HPD: variants seen among roughly 807,000 people sequenced by gnomAD.
The protein encoded by HPD is 4-hydroxyphenylpyruvate dioxygenase.
In HPD, 35 loss-of-function variants were observed where a neutral mutation model predicts 56.9. The ratio of observed to expected loss-of-function variants is 0.62; its 90% CI spans 0.47 to 0.82. HPD has a LOEUF of 0.82. HPD is among the 40% of genes least tolerant of loss of function. The probability of loss-of-function intolerance (pLI) is 0.00; values close to 1 mark genes in which losing one functional copy is unlikely to be tolerated. For missense variants in HPD, 442 were observed against 506.8 expected (o/e 0.87, Z 1.23); for synonymous variants, 186 against 200.2 (o/e 0.93, Z 0.60).
At position 121,847,155 on chromosome 12, in the gene HPD, G is replaced by A. The variant is rs777759281; in HGVS notation, c.656C>T (p.Thr219Met). The A allele has an allele frequency of 1.1e-5, 18 of 1,613,942 alleles. No individual in the cohort carries two copies. Among genetic ancestry groups the A allele is most frequent in the East Asian group, 2.2e-5 (1 of 44,886 alleles). The change falls in exon 10 of 14, where the codon ACG becomes ATG. Residue 219 changes from threonine to methionine, a missense_variant. Transcript: ENST00000289004. ...FWSVDDTQVH[T>M]EYSSLRSIVV... ...AATGGATCGCAGAGAGCTATATTCC[G>A]TGTGCACCTGCGTGTCATCCACGGA...
In HPD at chr12:121,843,710, C is replaced by CT; in HGVS notation, c.953dup (p.Glu319GlyfsTer62). The CT allele has an allele frequency of 6.2e-7, 1 of 1,614,106 alleles. No homozygotes were observed. On this transcript the variant is annotated frameshift_variant and splice_region_variant, in exon 12 of 14. Coordinates refer to ENST00000289004, the MANE Select transcript of HPD (RefSeq NM_002150.3). LOFTEE classifies it high-confidence loss of function. ...GCTGCGGATCCTGCCTGGGCCTCACCTCCAGGGCATCAATGTTCTCCTTCA... is the reference window on the plus strand; with the variant it reads ...GCTGCGGATCCTGCCTGGGCCTCACCTTCCAGGGCATCAATGTTCTCCTTCA...
At chr12:121,852,616 TG>T (rs1323298776) in intron 7 of HPD, among the ~76,000 whole-genome samples, 1 of 135,048 alleles carries the variant, frequency 7.4e-6, no homozygotes. Flanking sequence ...ATGACCTCAT[TG>T]GATCCTTTTT....
chr12:121,843,938 C>T, intron 11 of HPD, 106 bp from the exon 12 acceptor site: 1 of 1,315,000 alleles, frequency 7.6e-7, no homozygotes. Context: ...TCCTAGCTCC[C>T]CTCAACTGCC....
At chr12:121,856,754 G>T in intron 4 of HPD, 129 bp from the exon 5 acceptor site, 1 of 836,070 alleles carries the variant, frequency 1.2e-6, no homozygotes, top group Non-Finnish European at 2.0e-6. Context: ...CTGGGTTCTA[G>T]CTCCTTCTCT....
intron 12 of HPD, among the ~76,000 whole-genome samples, chr12:121,842,741 C>CTT (rs34879391): frequency 2.1e-3 from 161 of 76,254 alleles, no homozygotes; most frequent in East Asian, 4.0e-3. Flanking sequence ...TAAAATGGAT[C>CTT]TTTTTTTTTT....
intron 2 of HPD, 46 bp downstream of exon 2, chr12:121,858,641 C>G (rs193074269): frequency 3.2e-4 from 503 of 1,593,098 alleles, no homozygotes; most frequent in Non-Finnish European, 4.1e-4. Context: ...ACTCCGACCC[C>G]CTTCTAGACT....
upstream of HPD, among the ~76,000 whole-genome samples, chr12:121,860,322 C>G (rs1878141837): frequency 6.6e-6 from 1 of 152,178 alleles, no homozygotes; most frequent in Non-Finnish European, 1.5e-5. Context: ...GTGGCCAACT[C>G]AAACCCCCAC....
chr12:121,848,601 T>C (rs1408685402), intron 9 of HPD, among the ~76,000 whole-genome samples: 1 of 151,978 alleles, frequency 6.6e-6, no homozygotes, highest in African/African-American at 2.4e-5. Context: ...CGTGAGCAAG[T>C]GCGCCCGGTC....
chr12:121,848,981 A>G lies in HPD; in HGVS notation c.596+18T>C, dbSNP rs745377102. The G allele has an allele frequency of 2.5e-6, 4 of 1,599,402 alleles. No homozygotes were observed. The highest frequency in any genetic ancestry group is 3.4e-6 in the Non-Finnish European group (4 of 1,167,090). ...GGACCCGTCATCTTCACGCAGAGGGAGAGGGCCAAGGTCTCACCATTCGGA... is the reference window on the plus strand; with the variant it reads ...GGACCCGTCATCTTCACGCAGAGGGGGAGGGCCAAGGTCTCACCATTCGGA... On this transcript the variant is annotated intron_variant, in intron 9 of 13. Transcript: ENST00000289004.
the HPD span, among the ~76,000 whole-genome samples, chr12:121,868,784 G>A: frequency 6.6e-6 from 1 of 152,044 alleles, no homozygotes; most frequent in Non-Finnish European, 1.5e-5. Context: ...GCCTCCCGAA[G>A]TGCTGGGATT....
chr12:121,873,714 G>C, the HPD span, among the ~76,000 whole-genome samples: 2 of 152,188 alleles, frequency 1.3e-5, no homozygotes, highest in African/African-American at 2.4e-5. Context: ...CAGCTACGCG[G>C]GAGGCTGAGG....
intron 8 of HPD, 147 bp from the exon 9 acceptor site, chr12:121,849,223 ACT>A (rs1347266067): frequency 5.8e-6 from 3 of 518,224 alleles, no homozygotes; most frequent in South Asian, 4.0e-5. Context: ...AAAAAGAGAG[ACT>A]CTTTTTTTTG....
At position 121,843,903 on chromosome 12, in the gene HPD, G is replaced by A. The variant is rs976941615; in HGVS notation, c.832-71C>T. 5.6e-5 allele frequency: 89 copies of A among 1,589,594 alleles called. No homozygotes were observed. The African/African-American group carries it at 1.0e-3, about 19-fold the overall frequency. On this transcript the variant is annotated intron_variant, in intron 11 of 13. Transcript: ENST00000289004. ...ACTCCCCTAGCCAGGTGGAGGTGCTGGGTCATCAGGATACAGGGTCCCTAT... is the reference window on the plus strand; with the variant it reads ...ACTCCCCTAGCCAGGTGGAGGTGCTAGGTCATCAGGATACAGGGTCCCTAT...
chr12:121,867,949 T>C (rs1878368588), upstream of HPD, among the ~76,000 whole-genome samples: 1 of 152,184 alleles, frequency 6.6e-6, no homozygotes, highest in Non-Finnish European at 1.5e-5. Context: ...GCATTATAGG[T>C]GTGAGCCACA....
At chr12:121,865,419 G>A (rs1418430124), upstream of HPD, among the ~76,000 whole-genome samples, 2 of 150,594 alleles carry the variant, frequency 1.3e-5, no homozygotes, top group African/African-American at 2.4e-5. Context: ...ATGGGTGCCC[G>A]CCACCACACC....
Position 121,858,544 on chromosome 12 carries a change from G to T in HPD, c.30+143C>A, listed in dbSNP as rs372563414. The T allele has an allele frequency of 3.5e-6, 3 of 863,126 alleles. No individual in the cohort carries two copies. In the Admixed American group the frequency reaches 5.4e-5, roughly 16 times the overall value. The allele number at this position is 863,126 out of a possible 1,614,324, so 53.5% of individuals were successfully genotyped here. On this transcript the variant is annotated intron_variant, in intron 2 of 13. Transcript: ENST00000289004. ...CAGCTCAGTCTCGGGGAGCCCCGGGGGTAAAGCTGAGTGTGCAGGCATGCA... is the reference window on the plus strand; with the variant it reads ...CAGCTCAGTCTCGGGGAGCCCCGGGTGTAAAGCTGAGTGTGCAGGCATGCA...
intron 1 of HPD, 47 bp downstream of exon 1, chr12:121,858,774 C>T (rs754560078): frequency 5.1e-5 from 83 of 1,613,716 alleles, no homozygotes; most frequent in Non-Finnish European, 6.0e-5. Flanking sequence ...CTTCTGGAAG[C>T]GTTACTGAAG....
the HPD span, among the ~76,000 whole-genome samples, chr12:121,882,797 A>G: frequency 6.6e-6 from 1 of 152,068 alleles, no homozygotes; most frequent in East Asian, 1.9e-4. Flanking sequence ...GCTGGAGTAC[A>G]GTGGTGTAAT....
intron 4 of HPD, 44 bp from the exon 5 acceptor site, chr12:121,856,669 G>T: frequency 6.3e-7 from 1 of 1,590,486 alleles, no homozygotes; most frequent in Non-Finnish European, 8.6e-7. Flanking sequence ...GCTCAGGGGG[G>T]CATGGGGAGG....
Sources: allele counts gnomAD v4.1 joint callset (sites outside exome capture counted in the v4.1 genomes callset), GRCh38; gene constraint gnomAD v4.1.1; transcripts MANE v1.5; gene names NCBI Gene and HGNC (gene_info 2026-07-23, HGNC 2026-07-21).